Variants in GRIK4 observed in about 807,000 individuals in gnomAD.
GRIK4 encodes the protein glutamate ionotropic receptor kainate type subunit 4.
In GRIK4, 40 loss-of-function variants were observed where a neutral mutation model predicts 104.9. The ratio of observed to expected loss-of-function variants is 0.38; its 90% CI spans 0.30 to 0.50. GRIK4 has a LOEUF of 0.50. Ranked by LOEUF, GRIK4 falls within the 20% of genes least tolerant of loss-of-function variation. The pLI is 0.93. For synonymous variants in GRIK4, 485 were observed against 524.9 expected (o/e 0.92, Z 1.04); for missense variants, 1,047 against 1,308.1 (o/e 0.80, Z 3.08).
chr11:120,621,154 C>T (rs1384524783), intron 1 of GRIK4, among the ~76,000 whole-genome samples: 3 of 152,308 alleles, frequency 2.0e-5, no homozygotes, highest in East Asian at 1.9e-4. Context: ...GAAAGGAACA[C>T]GTTCATGCTG....
chr11:120,705,865 C>G (rs990883035), intron 3 of GRIK4, among the ~76,000 whole-genome samples: 1 of 152,110 alleles, frequency 6.6e-6, no homozygotes, highest in Non-Finnish European at 1.5e-5. Context: ...TCTCATATCC[C>G]GCAAATTTGC....
chr11:120,874,216 A>C lies in GRIK4; in HGVS notation c.1057A>C (p.Met353Leu), dbSNP rs1487896652. Residue 353 changes from methionine (M) to leucine (L), a missense_variant and splice_region_variant, in exon 10 of 21, where the codon ATG (methionine) becomes CTG (leucine). Met to Leu is a conservative substitution (Grantham distance 15, BLOSUM62 2). This residue lies in a region of GRIK4 where 447 missense variants were observed against 514.9 expected (regional missense o/e 0.87). Transcript: ENST00000527524. ...CACCAGCCTCATGAACTACCTGCGC[A>C]TGGTGAGGAGCGGCTGAGGCCCTGC... The part of the protein sequence containing the change: ...HGTSLMNYLR[M>L]VELEGLTGHI... The C allele has an allele frequency of 6.2e-7, 1 of 1,610,208 alleles. No homozygotes were observed. Among genetic ancestry groups the C allele is most frequent in the Non-Finnish European group, 8.5e-7 (1 of 1,178,700 alleles).
intron 3 of GRIK4, among the ~76,000 whole-genome samples, chr11:120,733,378 T>TGG (rs374929008): frequency 4.0e-5 from 6 of 151,210 alleles, no homozygotes; most frequent in African/African-American, 1.5e-4. Context: ...TTTCTGTTTT[T>TGG]TTTTGTGATC....
intron 19 of GRIK4, among the ~76,000 whole-genome samples, chr11:120,972,418 C>G (rs1944490159): frequency 6.6e-6 from 1 of 152,092 alleles, no homozygotes. Context: ...GAGATAATGT[C>G]CTTGGAGAGC....
At chr11:120,949,463 C>T (rs1943947212) in intron 14 of GRIK4, among the ~76,000 whole-genome samples, 2 of 152,346 alleles carry the variant, frequency 1.3e-5, no homozygotes, top group South Asian at 4.1e-4. Flanking sequence ...CACCTATCTA[C>T]TTCCAAAGTG....
intron 1 of GRIK4, among the ~76,000 whole-genome samples, chr11:120,579,269 A>G (rs932260315): frequency 1.3e-5 from 2 of 150,592 alleles, no homozygotes; most frequent in African/African-American, 4.8e-5. Context: ...GGGGTGCGGA[A>G]TGATGGGGGC....
intron 1 of GRIK4, among the ~76,000 whole-genome samples, chr11:120,545,151 G>A (rs1948073479): frequency 6.6e-6 from 1 of 152,122 alleles, no homozygotes; most frequent in Non-Finnish European, 1.5e-5. Flanking sequence ...TCTCTGCAGG[G>A]TTCCCACTGT....
At chr11:120,951,269 G>T (rs962808017) in intron 14 of GRIK4, among the ~76,000 whole-genome samples, 4 of 152,202 alleles carry the variant, frequency 2.6e-5, no homozygotes, top group Admixed American at 6.5e-5. Context: ...CATGATGGGG[G>T]CTATGCAAAT....
chr11:120,694,363 A>G (rs930856046), intron 3 of GRIK4, among the ~76,000 whole-genome samples: 1 of 152,236 alleles, frequency 6.6e-6, no homozygotes, highest in Non-Finnish European at 1.5e-5. Context: ...CCTCATCTGT[A>G]GAATGAGATG....
At chr11:120,624,195 C>A (rs1284222525) in intron 1 of GRIK4, among the ~76,000 whole-genome samples, 1 of 152,178 alleles carries the variant, frequency 6.6e-6, no homozygotes, top group Non-Finnish European at 1.5e-5. Flanking sequence ...CTAAACATCT[C>A]ATCACACTAC....
intron 17 of GRIK4, 53 bp from the exon 18 acceptor site, chr11:120,962,403 C>A: frequency 2.3e-6 from 3 of 1,290,538 alleles, no homozygotes; most frequent in East Asian, 2.4e-5. Context: ...TCTTTTTAAG[C>A]CAACGTTTCC....
intron 8 of GRIK4, among the ~76,000 whole-genome samples, chr11:120,850,964 A>T (rs1306268713): frequency 6.6e-6 from 1 of 152,066 alleles, no homozygotes; most frequent in Non-Finnish European, 1.5e-5. Flanking sequence ...AGCTCCGTAA[A>T]TCACCATCTG....
intron 20 of GRIK4, 125 bp from the exon 21 acceptor site, chr11:120,985,779 T>C (rs1426460521): frequency 3.8e-6 from 3 of 798,264 alleles, no homozygotes; most frequent in Non-Finnish European, 5.9e-6. Context: ...GCTTTTATCA[T>C]CTTCATACTT....
At chr11:120,583,641 T>A (rs1374199594) in intron 1 of GRIK4, among the ~76,000 whole-genome samples, 2 of 152,230 alleles carry the variant, frequency 1.3e-5, no homozygotes, top group African/African-American at 4.8e-5. Flanking sequence ...TGAAGTCAGG[T>A]AACAGGATGC....
chr11:120,730,896 T>C (rs1951116310), intron 3 of GRIK4, among the ~76,000 whole-genome samples: 1 of 152,188 alleles, frequency 6.6e-6, no homozygotes, highest in Non-Finnish European at 1.5e-5. Context: ...ATACTACTGA[T>C]TTTATATGTG....
intron 1 of GRIK4, chr11:120,564,712 C>T (rs930960497): frequency 3.3e-5 from 5 of 152,326 alleles, no homozygotes; most frequent in Admixed American, 2.6e-4. Context: ...AGGGCACGGC[C>T]GCCGCCGCAG....
chr11:120,645,797 C>T (rs544259229), intron 1 of GRIK4, among the ~76,000 whole-genome samples: 12 of 152,304 alleles, frequency 7.9e-5, no homozygotes, highest in African/African-American at 2.6e-4. Flanking sequence ...GGCTGGAAAA[C>T]GAAAGCATTG....
chr11:120,961,323 G>A (rs572160654), intron 17 of GRIK4, among the ~76,000 whole-genome samples: 1 of 152,278 alleles, frequency 6.6e-6, no homozygotes, highest in African/African-American at 2.4e-5. Context: ...TAGGTCTGAT[G>A]TGGTGGAACT....
chr11:120,924,540 T>C (rs1397317687), intron 13 of GRIK4, among the ~76,000 whole-genome samples: 1 of 150,862 alleles, frequency 6.6e-6, no homozygotes, highest in Non-Finnish European at 1.5e-5. Context: ...GATCAAGAAA[T>C]ATACCCTTAG....
Sources: gnomAD v4.1 joint callset for allele counts (sites outside exome capture counted in the v4.1 genomes callset) on GRCh38, gnomAD v4.1.1 for gene constraint, gnomAD v4.1.1 regional missense constraint, MANE v1.5 for transcripts, NCBI Gene and HGNC (gene_info 2026-07-23, HGNC 2026-07-21) for gene names.